Variants in PCDHGA10 observed in about 807,000 individuals in gnomAD.
PCDHGA10 encodes the protein protocadherin gamma subfamily A, 10.
Under a neutral mutation model 59.5 loss-of-function variants are expected in PCDHGA10, and 42 were observed. The observed-to-expected ratio is 0.71, with a 90% CI of 0.55 to 0.91. PCDHGA10 has a LOEUF of 0.91. Ranked by LOEUF, PCDHGA10 falls within the 40% of genes least tolerant of loss-of-function variation. The pLI is 0.00. For synonymous variants in PCDHGA10, 511 were observed against 517.2 expected, an observed-to-expected ratio of 0.99 and a Z score of 0.16; for missense variants, 1,111 against 1,198.2, an observed-to-expected ratio of 0.93 and a Z score of 1.07.
rs544678317 is a variant in PCDHGA10, at chr5:141,430,911, A to C, written c.2436+15300A>C. The C allele has an allele frequency of 1.9e-5, 31 of 1,607,958 alleles. No homozygotes were observed. The Admixed American group carries it at 2.2e-4, about 11-fold the overall frequency. ...TCTAGGGTGGGCGACATCTCCAGGG[A>C]CCTGGGGCTGGAGCCCCGGGAGCTC... On this transcript the variant is annotated intron_variant, in intron 1 of 3. Transcript: ENST00000398610.
intron 1 of PCDHGA10, among the ~76,000 whole-genome samples, chr5:141,464,203 T>G (rs2099077714): frequency 6.6e-6 from 1 of 150,780 alleles, no homozygotes; most frequent in South Asian, 2.1e-4. Flanking sequence ...AGGCGGAGAT[T>G]GCAGTGAGCT....
At chr5:141,468,077 C>T (rs180732917) in intron 1 of PCDHGA10, among the ~76,000 whole-genome samples, 1 of 152,152 alleles carries the variant, frequency 6.6e-6, no homozygotes, top group East Asian at 1.9e-4. Flanking sequence ...GTAATCCCAG[C>T]ACTTTGGGAG....
At chr5:141,470,078 G>C (rs542998375) in intron 1 of PCDHGA10, among the ~76,000 whole-genome samples, 21 of 152,182 alleles carry the variant, frequency 1.4e-4, no homozygotes, top group Non-Finnish European at 2.9e-4. Context: ...GTAGTGATCT[G>C]AGATCATGCC....
intron 1 of PCDHGA10, among the ~76,000 whole-genome samples, chr5:141,425,068 A>G (rs1484760901): frequency 6.6e-6 from 1 of 152,174 alleles, no homozygotes; most frequent in African/African-American, 2.4e-5. Context: ...GGACAAAAAT[A>G]ATTTCAACTG....
chr5:141,505,711 A>C (rs372711957), intron 3 of PCDHGA10, among the ~76,000 whole-genome samples: 17 of 152,058 alleles, frequency 1.1e-4, no homozygotes, highest in Admixed American at 2.6e-4. Context: ...CAAGGAAAAG[A>C]CTCATGGAGG....
rs567684479 is a variant in PCDHGA10 at position 141,432,875 on chromosome 5, G to T, written c.2436+17264G>T. The T allele has an allele frequency of 6.2e-7, 1 of 1,614,178 alleles. No individual in the cohort carries two copies. Among genetic ancestry groups the T allele is most frequent in the South Asian group, 1.1e-5 (1 of 91,084 alleles). ...GGCCGCGGTCTCCTGCGTCTTCCTG[G>T]CCTTCGTCATCTTGCTGCTGGCGCT... On this transcript the variant is annotated intron_variant, in intron 1 of 3. Coordinates refer to ENST00000398610, the MANE Select transcript of PCDHGA10 (RefSeq NM_018913.3). This position sits in a 1 kb window ranked among gnomAD's most constrained non-coding sequence, Gnocchi z 6.0.
At position 141,415,266 on chromosome 5, in the gene PCDHGA10, G is replaced by C. The variant is rs371754316; in HGVS notation, c.2091G>C (p.Leu697=). 49 of 1,614,100 alleles carry C rather than the reference G, an allele frequency of 3.0e-5. No individual in the cohort carries two copies. The African/African-American group carries it at 6.4e-4, about 21-fold the overall frequency. The change falls in exon 1 of 4, where the codon CTG becomes CTC. Residue 697 remains leucine, a synonymous_variant. Transcript: ENST00000398610. ...AAACCTCAGACCTCACTCTGTACCT[G>C]GTGGTAGCGGTGGCCGCGGTCTCCT... ...NSETSDLTLY[L]VVAVAAVSCV... is the part of the protein sequence containing the mutation.
chr5:141,430,795 G>T (rs918154748), intron 1 of PCDHGA10: 7 of 1,522,458 alleles, frequency 4.6e-6, no homozygotes, highest in Non-Finnish European at 6.2e-6. Flanking sequence ...ACTACAAAGG[G>T]CTTGTCCTGC....
At position 141,490,171 on chromosome 5, in the gene PCDHGA10, G is replaced by A. The variant is rs374421995; in HGVS notation, c.2437-4636G>A. 4 of 1,614,100 alleles carry A rather than the reference G, an allele frequency of 2.5e-6. No individual in the cohort carries two copies. The highest frequency in any genetic ancestry group is 3.4e-6 in the Non-Finnish European group (4 of 1,180,034). On this transcript the variant is annotated intron_variant, in intron 1 of 3. Coordinates refer to ENST00000398610, the MANE Select transcript of PCDHGA10 (RefSeq NM_018913.3). The surrounding 1 kb of genome is among the most constrained non-coding windows in gnomAD (Gnocchi z 5.4). ...CCATGTGTTGGGTCCCATAGACTTT[G>A]AGGAGTCACGTTTCTATGAAATTCA...
chr5:141,475,679 T>A (rs967189869), intron 1 of PCDHGA10, among the ~76,000 whole-genome samples: 2 of 152,236 alleles, frequency 1.3e-5, no homozygotes, highest in African/African-American at 4.8e-5. Flanking sequence ...GAGTCTTGAT[T>A]TGGATTGGAG....
chr5:141,434,870 C>G (rs1263324193), intron 1 of PCDHGA10, among the ~76,000 whole-genome samples: 3 of 151,726 alleles, frequency 2.0e-5, no homozygotes, highest in Non-Finnish European at 1.5e-5. Flanking sequence ...ATATATGTGA[C>G]AGATACCAAC....
At chr5:141,479,328 G>C (rs568506786) in intron 1 of PCDHGA10, 3 of 152,536 alleles carry the variant, frequency 2.0e-5, no homozygotes, top group African/African-American at 7.2e-5. Context: ...CAGACTCAGT[G>C]GTGTGCACCT....
chr5:141,492,695 A>G (rs925499358), intron 1 of PCDHGA10, among the ~76,000 whole-genome samples: 14 of 152,214 alleles, frequency 9.2e-5, no homozygotes, highest in African/African-American at 3.1e-4. Context: ...CGACCCCTCA[A>G]CCCAGAAGCC....
Position 141,485,602 on chromosome 5 carries a change from G to A in PCDHGA10, c.2437-9205G>A, listed in dbSNP as rs766134158. On this transcript the variant is annotated intron_variant, in intron 1 of 3. Transcript: ENST00000398610. The surrounding 1 kb of genome is among the most constrained non-coding windows in gnomAD (Gnocchi z 5.7). ...GGCAGCAGCTGGACTTGGAAATTGG[G>A]GAGGCAGCTCCTCCAGGACAGCGTT... is the stretch of plus-strand genomic sequence containing the variant. 2.5e-6 allele frequency: 4 copies of A among 1,612,418 alleles called. No individual in the cohort carries two copies. In the Admixed American group the frequency reaches 5.0e-5, roughly 20 times the overall value.
At chr5:141,419,254 C>A in intron 1 of PCDHGA10, 1 of 1,614,020 alleles carries the variant, frequency 6.2e-7, no homozygotes, top group Non-Finnish European at 8.5e-7. Context: ...CAGAAAACAA[C>A]CAGCCGGGTG....
chr5:141,497,538 AC>A lies in PCDHGA10; in HGVS notation c.2495+2675del, dbSNP rs1247704872. Among the ~76,000 whole-genome samples, 601 of 142,636 alleles carry A rather than the reference AC, an allele frequency of 4.2e-3. 3 individuals are homozygous for A. Among genetic ancestry groups the A allele is most frequent in the African/African-American group, 0.013 (497 of 38,408 alleles). The allele number at this position is 142,636 out of a possible 152,430, so 93.6% of individuals were successfully genotyped here. On this transcript the variant is annotated intron_variant, in intron 2 of 3. Coordinates refer to ENST00000398610, the MANE Select transcript of PCDHGA10 (RefSeq NM_018913.3). ...AGTTAACTTGTGGAGGATGCAACAA[AC>A]CTTTTTTTTTTTTTTTTTTAGACAG...
At chr5:141,459,319 T>G (rs1270005431) in intron 1 of PCDHGA10, among the ~76,000 whole-genome samples, 1 of 152,216 alleles carries the variant, frequency 6.6e-6, no homozygotes, top group Non-Finnish European at 1.5e-5. Context: ...TTTGTATCCA[T>G]CTTCTTTTAC....
chr5:141,445,224 G>A (rs1016307216), intron 1 of PCDHGA10, among the ~76,000 whole-genome samples: 6 of 152,194 alleles, frequency 3.9e-5, no homozygotes, highest in Admixed American at 2.0e-4. Context: ...GAGGTGCAAA[G>A]TGCTCTATTC....
At chr5:141,483,361 A>G (rs752805137) in intron 1 of PCDHGA10, among the ~76,000 whole-genome samples, 1 of 152,102 alleles carries the variant, frequency 6.6e-6, no homozygotes, top group South Asian at 2.1e-4. Context: ...TTTGAAAGCT[A>G]TTGCAATATT....
Sources: gnomAD v4.1 joint callset for allele counts (sites outside exome capture counted in the v4.1 genomes callset) on GRCh38, gnomAD v4.1.1 for gene constraint, Gnocchi (gnomAD v3.1) non-coding constraint, MANE v1.5 for transcripts, NCBI Gene and HGNC (gene_info 2026-07-23, HGNC 2026-07-21) for gene names.